The following TBCD variants were observed in gnomAD, a reference collection of about 807,000 sequenced individuals.
TBCD encodes the protein tubulin folding cofactor D.
In TBCD, 105 loss-of-function variants were observed where a neutral mutation model predicts 169.3. That is an observed-to-expected ratio of 0.62 (90% CI 0.53 to 0.73). TBCD has a LOEUF of 0.73. Ranked by LOEUF, TBCD falls within the 30% of genes least tolerant of loss-of-function variation. The pLI is 0.00. For synonymous variants in TBCD, 700 were observed against 643.9 expected (o/e 1.09, Z -1.32); for missense variants, 1,444 against 1,600.1 (o/e 0.90, Z 1.66).
chr17:82,932,927 A>G (rs2062323955), intron 34 of TBCD, 192 bp downstream of exon 34: 1 of 614,632 alleles, frequency 1.6e-6, no homozygotes, highest in South Asian at 1.9e-5. Context: ...ACATATTTAC[A>G]TAATGACATA....
At chr17:82,754,899 C>T (rs2047320549) in intron 1 of TBCD, among the ~76,000 whole-genome samples, 1 of 152,110 alleles carries the variant, frequency 6.6e-6, no homozygotes, top group Non-Finnish European at 1.5e-5. Context: ...GGGAGCAGTG[C>T]CTGGATATGT....
Position 82,890,576 on chromosome 17 carries a change from G to A in TBCD, c.1563+879G>A, listed in dbSNP as rs1019071001. ...GGATGCCAGAGTCAGCTGGAGAGGC[G>A]GGCGGACGAGGACTTGCGCCTGTTA... On this transcript the variant is annotated intron_variant, in intron 16 of 38. Coordinates refer to ENST00000355528, the MANE Select transcript of TBCD (RefSeq NM_005993.5). This position sits in a 1 kb window ranked among gnomAD's most constrained non-coding sequence, Gnocchi z 5.3. Among the ~76,000 whole-genome samples the A allele has an allele frequency of 5.3e-5, 8 of 152,152 alleles. No individual in the cohort carries two copies. The highest frequency in any genetic ancestry group is 1.2e-4 in the Non-Finnish European group (8 of 68,026).
At chr17:82,908,385 G>A (rs1308490031) in intron 21 of TBCD, 4 of 456,252 alleles carry the variant, frequency 8.8e-6, no homozygotes, top group Non-Finnish European at 1.8e-5. Flanking sequence ...GGGAGACAGT[G>A]TGTTCATCTT....
chr17:82,820,997 C>T (rs552145185), intron 13 of TBCD, among the ~76,000 whole-genome samples: 42 of 152,266 alleles, frequency 2.8e-4, no homozygotes, highest in African/African-American at 9.9e-4. Flanking sequence ...GCTCTGTCGC[C>T]CAGGCTGGAG....
chr17:82,935,587 C>T (rs149977909), intron 34 of TBCD, among the ~76,000 whole-genome samples: 13 of 152,158 alleles, frequency 8.5e-5, no homozygotes, highest in South Asian at 2.1e-4. Context: ...AACGCTTACC[C>T]TAGAAATTAG....
chr17:82,941,712 G>T, intron 38 of TBCD: 1 of 534,512 alleles, frequency 1.9e-6, no homozygotes. Context: ...GGCGTTTGGG[G>T]GGCCGGGGAG....
intron 17 of TBCD, among the ~76,000 whole-genome samples, chr17:82,898,662 CTT>C (rs1752758309): frequency 6.6e-6 from 1 of 151,700 alleles, no homozygotes; most frequent in African/African-American, 2.4e-5. Flanking sequence ...TGACTTTTGA[CTT>C]TGTTTTTGGT....
chr17:82,849,471 G>C (rs1468460732), intron 13 of TBCD, among the ~76,000 whole-genome samples: 1 of 152,140 alleles, frequency 6.6e-6, no homozygotes, highest in Non-Finnish European at 1.5e-5. Flanking sequence ...TATCTTCCTT[G>C]TTTCCTCGCT....
At chr17:82,927,809 G>T in intron 29 of TBCD, 96 bp from the exon 30 acceptor site, 1 of 1,048,920 alleles carries the variant, frequency 9.5e-7, no homozygotes, top group Middle Eastern at 2.0e-4. Context: ...TTAGTCACGG[G>T]TGTCGAATTC....
rs549691752 is a variant in TBCD at position 82,939,953 on chromosome 17, A to G, written c.3479+477A>G. Among the ~76,000 whole-genome samples, 481 of 152,312 alleles carry G rather than the reference A, an allele frequency of 3.2e-3. 2 individuals are homozygous for G. Among genetic ancestry groups the G allele is most frequent in the African/African-American group, 0.011 (466 of 41,580 alleles). Reference sequence around the variant, plus strand: ...AGGGCCATGAGGCCCTCAGGAGGCCATAGTGCCACTCTCCACGTTTACTTT... The same window carrying G: ...AGGGCCATGAGGCCCTCAGGAGGCCGTAGTGCCACTCTCCACGTTTACTTT... On this transcript the variant is annotated intron_variant, in intron 37 of 38. Coordinates refer to ENST00000355528, the MANE Select transcript of TBCD (RefSeq NM_005993.5).
intron 4 of TBCD, among the ~76,000 whole-genome samples, chr17:82,767,761 C>G (rs2048088508): frequency 6.6e-6 from 1 of 152,108 alleles, no homozygotes; most frequent in South Asian, 2.1e-4. Flanking sequence ...TCGAGACCAT[C>G]CTGGCTAACA....
At chr17:82,828,483 C>G (rs1475729235) in intron 13 of TBCD, among the ~76,000 whole-genome samples, 1 of 148,854 alleles carries the variant, frequency 6.7e-6, no homozygotes, top group Non-Finnish European at 1.5e-5. Context: ...CACACACGTG[C>G]ACATCCACAC....
intron 14 of TBCD, among the ~76,000 whole-genome samples, chr17:82,883,196 G>C (rs990657089): frequency 2.0e-5 from 3 of 152,282 alleles, no homozygotes; most frequent in African/African-American, 7.2e-5. Flanking sequence ...ACAAGGCAGA[G>C]CACTTGGCCC....
At chr17:82,842,239 C>T (rs1041028799) in intron 13 of TBCD, among the ~76,000 whole-genome samples, 1 of 152,222 alleles carries the variant, frequency 6.6e-6, no homozygotes, top group African/African-American at 2.4e-5. Flanking sequence ...GTGTACCTTC[C>T]ACCCTCTACC....
chr17:82,764,167 C>A, intron 3 of TBCD, 105 bp downstream of exon 3: 1 of 916,298 alleles, frequency 1.1e-6, no homozygotes, highest in Non-Finnish European at 1.7e-6. Flanking sequence ...AGTTCTTAGA[C>A]ACAAGTTGTG....
At chr17:82,929,609 C>T in intron 32 of TBCD, 109 bp downstream of exon 32, 1 of 1,450,938 alleles carries the variant, frequency 6.9e-7, no homozygotes, top group Non-Finnish European at 9.4e-7. Context: ...CCATTGCTTT[C>T]TATCTCTCTC....
At position 82,944,398 on chromosome 17, in the gene TBCD, A is replaced by G. The variant is rs1032633948; in HGVS notation, c.*1935A>G. 6.6e-6 allele frequency: 1 copy of G among 152,172 alleles called. No homozygotes were observed. Among genetic ancestry groups the G allele is most frequent in the Non-Finnish European group, 1.5e-5 (1 of 68,048 alleles). The allele number at this position is 152,172 out of a possible 1,614,324, so 9.4% of individuals were successfully genotyped here. ...TCCAGGTGATAGAGTTTGGCAAGGAACCCCTTGCTCACATGATAGCTGGGG... is the reference window on the plus strand; with the variant it reads ...TCCAGGTGATAGAGTTTGGCAAGGAGCCCCTTGCTCACATGATAGCTGGGG... On this transcript the variant is annotated 3_prime_UTR_variant, in exon 39 of 39. Transcript: ENST00000355528.
chr17:82,843,107 C>T lies in TBCD; in HGVS notation c.1319-27117C>T, dbSNP rs147652803. Among the ~76,000 whole-genome samples the T allele has an allele frequency of 2.2e-3, 331 of 152,310 alleles. 1 individual carries two copies. Among genetic ancestry groups the T allele is most frequent in the African/African-American group, 7.1e-3 (296 of 41,558 alleles). The stretch of plus-strand genomic sequence containing the variant: ...AAGTGTTCTCTATTTTCTCTAGCTT[C>T]TAGTACTGTGGTTGAGAACCTTGAT... On this transcript the variant is annotated intron_variant, in intron 13 of 38. Coordinates refer to ENST00000355528, the MANE Select transcript of TBCD (RefSeq NM_005993.5).
At chr17:82,821,997 T>G (rs935443139) in intron 13 of TBCD, among the ~76,000 whole-genome samples, 3 of 152,252 alleles carry the variant, frequency 2.0e-5, no homozygotes, top group African/African-American at 7.2e-5. Context: ...GCTCTCAGTG[T>G]TCATCGAAGA....
Sources: allele counts gnomAD v4.1 joint callset (sites outside exome capture counted in the v4.1 genomes callset), GRCh38; gene constraint gnomAD v4.1.1; non-coding constraint Gnocchi (gnomAD v3.1); transcripts MANE v1.5; gene names NCBI Gene and HGNC (gene_info 2026-07-23, HGNC 2026-07-21).